UNC5D: variants seen among roughly 807,000 people sequenced by gnomAD.
The protein encoded by UNC5D is unc-5 netrin receptor D, also known as netrin receptor UNC5D.
Under a neutral mutation model 105.4 loss-of-function variants are expected in UNC5D, and 39 were observed. The ratio of observed to expected loss-of-function variants is 0.37; its 90% confidence interval spans 0.29 to 0.48. UNC5D has a LOEUF of 0.48. Ranked by LOEUF, UNC5D falls within the 20% of genes least tolerant of loss-of-function variation. UNC5D has a pLI of 0.98. For synonymous variants in UNC5D, 452 were observed against 450.4 expected (o/e 1.00, Z -0.04); for missense variants, 991 against 1,202.4 (o/e 0.82, Z 2.60).
chr8:35,445,751 G>A (rs1398871677), intron 1 of UNC5D, among the ~76,000 whole-genome samples: 2 of 152,020 alleles, frequency 1.3e-5, no homozygotes, highest in East Asian at 3.9e-4. Context: ...GAACCCATCA[G>A]CAAACTATAG....
intron 11 of UNC5D, among the ~76,000 whole-genome samples, chr8:35,743,330 G>A (rs779549680): frequency 6.6e-6 from 1 of 151,826 alleles, no homozygotes; most frequent in Non-Finnish European, 1.5e-5. Context: ...AGTGCACTGG[G>A]GTGATCTCGG....
chr8:35,695,311 G>A (rs928852812), intron 7 of UNC5D, among the ~76,000 whole-genome samples: 1 of 152,104 alleles, frequency 6.6e-6, no homozygotes, highest in Admixed American at 6.6e-5. Context: ...CAGACCAGGG[G>A]ATCTATAAGG....
chr8:35,665,031 G>T (rs1824340384), intron 4 of UNC5D, among the ~76,000 whole-genome samples: 1 of 151,896 alleles, frequency 6.6e-6, no homozygotes, highest in Non-Finnish European at 1.5e-5. Flanking sequence ...ACAGGGTCTT[G>T]TTTTGTTGCC....
intron 1 of UNC5D, among the ~76,000 whole-genome samples, chr8:35,346,271 A>G (rs1343767396): frequency 6.6e-6 from 1 of 152,060 alleles, no homozygotes; most frequent in African/African-American, 2.4e-5. Flanking sequence ...GACTGTTTAC[A>G]TGATAATGAC....
At chr8:35,671,896 C>T (rs1165505232) in intron 4 of UNC5D, among the ~76,000 whole-genome samples, 10 of 152,034 alleles carry the variant, frequency 6.6e-5, no homozygotes, top group African/African-American at 2.2e-4. Flanking sequence ...GTAAGCTGGT[C>T]TCCGATAATT....
At chr8:35,595,966 T>C (rs1014025941) in intron 4 of UNC5D, among the ~76,000 whole-genome samples, 3 of 152,210 alleles carry the variant, frequency 2.0e-5, no homozygotes, top group African/African-American at 7.2e-5. Flanking sequence ...AGTCAAGATC[T>C]TCTGATATGC....
Position 35,722,248 on chromosome 8 carries a change from T to C in UNC5D, c.1156T>C (p.Leu386=). 1 of 1,614,154 alleles carries C rather than the reference T, an allele frequency of 6.2e-7. No homozygotes were observed. The highest frequency in any genetic ancestry group is 8.5e-7 in the Non-Finnish European group (1 of 1,180,012). ...CAGCGACATTGCTTTGTACTCGGGCTTGGGTGCTGCCGTCGTGGCCGTTGC... is the reference window on the plus strand; with the variant it reads ...CAGCGACATTGCTTTGTACTCGGGCCTGGGTGCTGCCGTCGTGGCCGTTGC... ...NASDIALYSG[L]GAAVVAVAVL... is the part of the protein sequence containing the mutation. The change falls in exon 9 of 17, where the codon TTG becomes CTG. Residue 386 remains leucine (L), a synonymous_variant. Transcript: ENST00000404895.
chr8:35,411,337 T>C (rs980170790), intron 1 of UNC5D, among the ~76,000 whole-genome samples: 1 of 152,062 alleles, frequency 6.6e-6, no homozygotes, highest in African/African-American at 2.4e-5. Flanking sequence ...AACATGTACA[T>C]TAAATGTGAA....
chr8:35,729,497 A>G (rs1053936435), intron 10 of UNC5D, among the ~76,000 whole-genome samples: 4 of 152,216 alleles, frequency 2.6e-5, no homozygotes, highest in Non-Finnish European at 5.9e-5. Flanking sequence ...TACAGACTGC[A>G]TGTCTCTGTC....
intron 3 of UNC5D, among the ~76,000 whole-genome samples, chr8:35,569,068 AAT>A (rs1208652427): frequency 6.7e-6 from 1 of 149,494 alleles, no homozygotes; most frequent in African/African-American, 2.5e-5. Flanking sequence ...AAAAAAAAAA[AAT>A]ACACACTTGG....
At chr8:35,504,451 TA>T (rs1812181138) in intron 1 of UNC5D, among the ~76,000 whole-genome samples, 1 of 152,222 alleles carries the variant, frequency 6.6e-6, no homozygotes, top group African/African-American at 2.4e-5. Context: ...ACAGCCTTCT[TA>T]AAACCTTCAA....
intron 1 of UNC5D, among the ~76,000 whole-genome samples, chr8:35,264,365 G>GGACATAGAGAATAT (rs386412551): frequency 6.6e-6 from 1 of 152,232 alleles, no homozygotes; most frequent in South Asian, 2.1e-4. Flanking sequence ...GTATATAATA[G>GGACATAGAGAATAT]GACATAGAGA....
chr8:35,439,293 C>G (rs1807240716), intron 1 of UNC5D, among the ~76,000 whole-genome samples: 1 of 151,004 alleles, frequency 6.6e-6, no homozygotes, highest in Non-Finnish European at 1.5e-5. Context: ...ATGAGAGTAA[C>G]TTCTTCTTAA....
intron 8 of UNC5D, among the ~76,000 whole-genome samples, chr8:35,720,899 C>G (rs1319378609): frequency 6.6e-6 from 1 of 151,560 alleles, no homozygotes; most frequent in African/African-American, 2.4e-5. Context: ...GTTTATTGCC[C>G]TATTAGTGAA....
At chr8:35,427,265 C>T (rs1419175904) in intron 1 of UNC5D, among the ~76,000 whole-genome samples, 2 of 152,156 alleles carry the variant, frequency 1.3e-5, no homozygotes, top group Non-Finnish European at 2.9e-5. Flanking sequence ...TAATTTCCTC[C>T]TTTCTCTTCT....
intron 1 of UNC5D, among the ~76,000 whole-genome samples, chr8:35,444,212 G>A (rs1479997945): frequency 6.6e-6 from 1 of 151,974 alleles, no homozygotes; most frequent in Non-Finnish European, 1.5e-5. Context: ...ACTGAAGTGT[G>A]GATGTGTTAC....
At chr8:35,708,157 T>C (rs1241604238) in intron 8 of UNC5D, among the ~76,000 whole-genome samples, 2 of 152,174 alleles carry the variant, frequency 1.3e-5, no homozygotes, top group East Asian at 1.9e-4. Context: ...CCATAAGGCC[T>C]GGCAGATAGA....
chr8:35,352,102 A>C (rs915648135), intron 1 of UNC5D, among the ~76,000 whole-genome samples: 2 of 152,178 alleles, frequency 1.3e-5, no homozygotes, highest in Non-Finnish European at 2.9e-5. Context: ...TACGAAAATT[A>C]AATCAACCTG....
At position 35,243,249 on chromosome 8, in the gene UNC5D, A is replaced by G. The variant is rs142197615; in HGVS notation, c.103+7362A>G. Among the ~76,000 whole-genome samples, 8 of 152,274 alleles carry G rather than the reference A, an allele frequency of 5.3e-5. No homozygotes were observed. In the East Asian group the frequency reaches 1.4e-3, roughly 26 times the overall value. ...ATGTAAGAATATTTTTAAAATGCCA[A>G]TTGAAGAGTAAGAAAACACAAATGT... On this transcript the variant is annotated intron_variant, in intron 1 of 16. Coordinates refer to ENST00000404895, the MANE Select transcript of UNC5D (RefSeq NM_080872.4).
Sources: allele counts gnomAD v4.1 joint callset (sites outside exome capture counted in the v4.1 genomes callset), GRCh38; gene constraint gnomAD v4.1.1; transcripts MANE v1.5; gene names NCBI Gene and HGNC (gene_info 2026-07-23, HGNC 2026-07-21).